GRID1: variants seen among roughly 807,000 people sequenced by gnomAD.
GRID1 encodes glutamate receptor ionotropic, delta-1.
A neutral mutation model predicts 98.0 loss-of-function variants in GRID1; 28 were observed. That is an observed-to-expected ratio of 0.29 (90% CI 0.21 to 0.39). The LOEUF is 0.39. GRID1 is among the 10% of genes least tolerant of loss of function. The probability of loss-of-function intolerance (pLI) is 1.00; values close to 1 mark genes in which losing one functional copy is unlikely to be tolerated. For missense variants in GRID1, 1,111 were observed against 1,340.5 expected (o/e 0.83, Z 2.67); for synonymous variants, 553 against 538.5 (o/e 1.03, Z -0.37).
At chr10:85,674,472 T>C (rs906525662) in intron 12 of GRID1, among the ~76,000 whole-genome samples, 2 of 152,246 alleles carry the variant, frequency 1.3e-5, no homozygotes, top group Non-Finnish European at 2.9e-5. Context: ...GCTTATATTA[T>C]ATCTTTTGTG....
chr10:86,217,028 G>A (rs1199786495), intron 2 of GRID1, among the ~76,000 whole-genome samples: 3 of 152,176 alleles, frequency 2.0e-5, no homozygotes, highest in Non-Finnish European at 4.4e-5. Context: ...GCAGACAAGT[G>A]GGAGAGGAGG....
chr10:85,928,733 G>A (rs1246348267), intron 4 of GRID1, among the ~76,000 whole-genome samples: 1 of 152,226 alleles, frequency 6.6e-6, no homozygotes, highest in Non-Finnish European at 1.5e-5. Context: ...GGTTCAGGGG[G>A]TTCCCAGGCC....
chr10:86,302,482 C>T (rs1304867030), intron 2 of GRID1, among the ~76,000 whole-genome samples: 2 of 152,228 alleles, frequency 1.3e-5, no homozygotes, highest in Non-Finnish European at 2.9e-5. Context: ...CTGCCTACAA[C>T]CTCACATGGC....
intron 2 of GRID1, among the ~76,000 whole-genome samples, chr10:86,360,660 G>A (rs1232189992): frequency 2.0e-5 from 3 of 152,222 alleles, no homozygotes; most frequent in African/African-American, 4.8e-5. Context: ...AACGGAAAGG[G>A]AATTACTGTT....
At chr10:85,945,911 T>C (rs1842048181) in intron 4 of GRID1, among the ~76,000 whole-genome samples, 1 of 152,222 alleles carries the variant, frequency 6.6e-6, no homozygotes, top group Non-Finnish European at 1.5e-5. Flanking sequence ...TTCCGACCAT[T>C]CATTTTCAAA....
At chr10:85,962,523 G>A (rs762177859) in intron 4 of GRID1, among the ~76,000 whole-genome samples, 6 of 152,166 alleles carry the variant, frequency 3.9e-5, no homozygotes, top group Non-Finnish European at 8.8e-5. Context: ...CTTCCTAAAT[G>A]GAGAGGGAGG....
chr10:85,981,736 A>C (rs1842546790), intron 4 of GRID1, among the ~76,000 whole-genome samples: 1 of 152,192 alleles, frequency 6.6e-6, no homozygotes, highest in Non-Finnish European at 1.5e-5. Context: ...CCAGGCACCT[A>C]CTATGTGTCG....
Position 86,292,729 on chromosome 10 carries a change from G to A in GRID1, c.235+71212C>T, listed in dbSNP as rs555965681. On this transcript the variant is annotated intron_variant, in intron 2 of 15. Coordinates refer to ENST00000327946, the MANE Select transcript of GRID1 (RefSeq NM_017551.3). The stretch of plus-strand genomic sequence containing the variant: ...TGGATGTGGGTGGGTGGGTGCGAGT[G>A]TGCGCAGGTGTGAGTGTCGGGAGTG... 7.8e-4 allele frequency among the ~76,000 whole-genome samples: 119 copies of A among 152,094 alleles called. 1 individual carries two copies. The highest frequency in any genetic ancestry group is 1.5e-3 in the Non-Finnish European group (105 of 67,964).
chr10:86,221,938 T>G (rs1589416122), intron 2 of GRID1, among the ~76,000 whole-genome samples: 1 of 149,564 alleles, frequency 6.7e-6, no homozygotes, highest in Non-Finnish European at 1.5e-5. Context: ...GGAACAGGGG[T>G]AGGGAGGGCA....
chr10:85,733,416 A>C (rs1841846393), intron 8 of GRID1, among the ~76,000 whole-genome samples: 1 of 152,184 alleles, frequency 6.6e-6, no homozygotes, highest in South Asian at 2.1e-4. Context: ...CTGTAACTGG[A>C]GAAGAAGATG....
intron 4 of GRID1, among the ~76,000 whole-genome samples, chr10:85,924,338 A>T (rs1841746538): frequency 1.3e-5 from 2 of 152,234 alleles, no homozygotes; most frequent in Non-Finnish European, 2.9e-5. Flanking sequence ...ATGCAAAGTT[A>T]GTGCTGCCTG....
chr10:86,232,273 C>T (rs976399400), intron 2 of GRID1, among the ~76,000 whole-genome samples: 1 of 152,194 alleles, frequency 6.6e-6, no homozygotes, highest in Non-Finnish European at 1.5e-5. Flanking sequence ...GCACTGTTCC[C>T]GCATGCTCTG....
At chr10:85,866,612 T>C (rs1237111758) in intron 6 of GRID1, among the ~76,000 whole-genome samples, 2 of 152,218 alleles carry the variant, frequency 1.3e-5, no homozygotes, top group Non-Finnish European at 2.9e-5. Flanking sequence ...CGGATTTTCA[T>C]ATTAGAGATA....
chr10:85,878,029 G>C (rs1052105513), intron 5 of GRID1, among the ~76,000 whole-genome samples: 13 of 152,212 alleles, frequency 8.5e-5, no homozygotes, highest in African/African-American at 2.4e-4. Context: ...AGTGATGGAA[G>C]ACGAAATGAA....
intron 2 of GRID1, among the ~76,000 whole-genome samples, chr10:86,357,233 G>A (rs959234257): frequency 3.9e-5 from 6 of 152,204 alleles, no homozygotes; most frequent in African/African-American, 1.4e-4. Context: ...TGGGAGGGAG[G>A]GCTCAGAGAG....
chr10:85,706,593 C>A (rs1205305803), intron 12 of GRID1, among the ~76,000 whole-genome samples: 2 of 151,960 alleles, frequency 1.3e-5, no homozygotes, highest in African/African-American at 2.4e-5. Flanking sequence ...ACTTTCTTCA[C>A]AGAATTGGAA....
At position 85,647,067 on chromosome 10, in the gene GRID1, A is replaced by G. The variant is rs2132552214; in HGVS notation, c.2193+135T>C. 4.2e-6 allele frequency: 3 copies of G among 709,684 alleles called. No individual in the cohort carries two copies. The South Asian group carries it at 4.9e-5, about 12-fold the overall frequency. 44.0% of individuals were successfully genotyped at this position (709,684 alleles called of 1,614,324 possible). ...TTCTGAAAGGGCATCCACCTAAAGA[A>G]CGTGTGCGATGGATCGCCTTGCAGG... On this transcript the variant is annotated intron_variant, in intron 13 of 15. Transcript: ENST00000327946.
chr10:86,055,509 GAGGC>G (rs1163560364), intron 4 of GRID1, among the ~76,000 whole-genome samples: 1 of 152,138 alleles, frequency 6.6e-6, no homozygotes, highest in Non-Finnish European at 1.5e-5. Context: ...TTGGGAGGCT[GAGGC>G]AGGTGGACCA....
At chr10:86,055,178 G>C (rs543822074) in intron 4 of GRID1, among the ~76,000 whole-genome samples, 2 of 152,312 alleles carry the variant, frequency 1.3e-5, no homozygotes, top group South Asian at 4.1e-4. Flanking sequence ...GTAGTATCAC[G>C]AGAAATAAAA....
Sources: gnomAD v4.1 joint callset for allele counts (sites outside exome capture counted in the v4.1 genomes callset) on GRCh38, gnomAD v4.1.1 for gene constraint, MANE v1.5 for transcripts, NCBI Gene and HGNC (gene_info 2026-07-23, HGNC 2026-07-21) for gene names.